Variants in NBAS observed in about 807,000 individuals in gnomAD.
NBAS encodes the protein NBAS subunit of NRZ tethering complex, also known as NAG/BC035112 fusion.
NBAS carries 219 observed loss-of-function variants against 302.5 expected under a neutral mutation model. The ratio of observed to expected loss-of-function variants is 0.72; its 90% CI spans 0.65 to 0.81. NBAS has a LOEUF of 0.81. Among genes scored for constraint, NBAS ranks in the 30% least tolerant of loss-of-function variants. The pLI, the probability that NBAS is intolerant of heterozygous loss-of-function variation, is 0.00. For missense variants in NBAS, 2,932 were observed against 2,841.6 expected, an observed-to-expected ratio of 1.03 and a Z score of -0.72; for synonymous variants, 1,118 against 1,021.6, an observed-to-expected ratio of 1.09 and a Z score of -1.80.
the NBAS span, among the ~76,000 whole-genome samples, chr2:14,893,514 G>C: frequency 6.6e-6 from 1 of 152,078 alleles, no homozygotes; most frequent in African/African-American, 2.4e-5. Context: ...ACTCTTAACT[G>C]TATCTCAATT....
chr2:14,842,359 G>T, the NBAS span, among the ~76,000 whole-genome samples: 1 of 151,838 alleles, frequency 6.6e-6, no homozygotes, highest in South Asian at 2.1e-4. Flanking sequence ...ACTAAAAAAT[G>T]CAGAAGTTTA....
At chr2:14,924,571 C>G in the NBAS span, among the ~76,000 whole-genome samples, 1 of 152,248 alleles carries the variant, frequency 6.6e-6, no homozygotes, top group Admixed American at 6.5e-5. Flanking sequence ...ATACTCCCAT[C>G]AGTGTCCTCT....
At chr2:15,208,882 T>C (rs1000880032) in intron 48 of NBAS, among the ~76,000 whole-genome samples, 6 of 151,976 alleles carry the variant, frequency 3.9e-5, no homozygotes, top group Non-Finnish European at 8.8e-5. Context: ...ACAATGCATC[T>C]TAAAGAGCTA....
At chr2:15,360,628 G>A (rs1018041074) in intron 32 of NBAS, among the ~76,000 whole-genome samples, 4 of 145,390 alleles carry the variant, frequency 2.8e-5, no homozygotes, top group Non-Finnish European at 6.0e-5. Context: ...GGGATTAGAA[G>A]TCTGAGCCGC....
intron 48 of NBAS, among the ~76,000 whole-genome samples, chr2:15,190,895 C>T (rs60229728): frequency 0.082 from 12,509 of 152,094 alleles, 862 homozygotes; most frequent in East Asian, 0.32. Context: ...TGCTATAAAT[C>T]AAAATAGAAT....
intron 11 of NBAS, among the ~76,000 whole-genome samples, chr2:15,501,675 C>T (rs148729516): frequency 0.013 from 1,937 of 147,780 alleles, 36 homozygotes; most frequent in African/African-American, 0.045. Flanking sequence ...CTGCAAGCTC[C>T]GCCTCCCGGT....
At chr2:15,442,864 A>G (rs940462956) in intron 21 of NBAS, among the ~76,000 whole-genome samples, 3 of 152,016 alleles carry the variant, frequency 2.0e-5, no homozygotes, top group Admixed American at 1.3e-4. Flanking sequence ...ATCAGAGAAT[A>G]CTACAAACAC....
chr2:15,085,035 C>T, the NBAS span, among the ~76,000 whole-genome samples: 1 of 152,194 alleles, frequency 6.6e-6, no homozygotes, highest in Non-Finnish European at 1.5e-5. Context: ...ACCTCCTCTC[C>T]GCAGCTTTCC....
chr2:15,561,097 T>G, intron 1 of NBAS, 91 bp downstream of exon 1: 8 of 781,466 alleles, frequency 1.0e-5, no homozygotes, highest in East Asian at 5.0e-5. Context: ...CACCCACCCG[T>G]CTCCACTCCC....
At chr2:14,967,045 A>G in the NBAS span, among the ~76,000 whole-genome samples, 2 of 152,194 alleles carry the variant, frequency 1.3e-5, no homozygotes, top group Non-Finnish European at 2.9e-5. Flanking sequence ...AAATACCATT[A>G]TTAATAGCGT....
chr2:15,232,369 A>C, intron 47 of NBAS, 53 bp downstream of exon 47: 1 of 1,532,966 alleles, frequency 6.5e-7, no homozygotes, highest in South Asian at 1.1e-5. Flanking sequence ...GAGCAATTCT[A>C]ATACTCTGAG....
rs774335000 is a variant in NBAS, at chr2:15,328,187, CGCTGT to C, written c.4461+7_4461+11del. The stretch of plus-strand genomic sequence containing the variant: ...ACAGTTAAATCTATCTTCCTAGACA[CGCTGT>C]CCTTACCTCAGCGACAAAAGGATTT... On this transcript the variant is annotated splice_region_variant and intron_variant, in intron 37 of 51. Coordinates refer to ENST00000281513, the MANE Select transcript of NBAS (RefSeq NM_015909.4). 4.7e-5 allele frequency: 76 copies of C among 1,606,088 alleles called. No homozygotes were observed. In the African/African-American group the frequency reaches 7.5e-4, roughly 16 times the overall value.
chr2:15,544,572 A>G (rs1355664234), intron 6 of NBAS, among the ~76,000 whole-genome samples: 6 of 152,248 alleles, frequency 3.9e-5, no homozygotes, highest in African/African-American at 1.4e-4. Context: ...CTCAAAAGCT[A>G]TCAAGGCACA....
Position 15,175,091 on chromosome 2 carries a change from C to T in NBAS, c.6840+3897G>A, listed in dbSNP as rs775625140. On this transcript the variant is annotated intron_variant, in intron 51 of 51. Coordinates refer to ENST00000281513, the MANE Select transcript of NBAS (RefSeq NM_015909.4). ...ACACCATTCTCCTGCCTCAGACTCCCGAGTAGCTGGGACTACAGGCACCCA... is the reference window on the plus strand; with the variant it reads ...ACACCATTCTCCTGCCTCAGACTCCTGAGTAGCTGGGACTACAGGCACCCA... Among the ~76,000 whole-genome samples, 7 of 152,086 alleles carry T rather than the reference C, an allele frequency of 4.6e-5. No homozygotes were observed. In the South Asian group the frequency reaches 6.2e-4, roughly 14 times the overall value.
At chr2:14,941,652 C>A in the NBAS span, among the ~76,000 whole-genome samples, 72 of 152,330 alleles carry the variant, frequency 4.7e-4, no homozygotes, top group African/African-American at 1.7e-3. Flanking sequence ...CCCGCTCCCA[C>A]AGAGGACTAC....
At chr2:14,945,304 T>C in the NBAS span, among the ~76,000 whole-genome samples, 1 of 151,754 alleles carries the variant, frequency 6.6e-6, no homozygotes, top group African/African-American at 2.4e-5. Context: ...ACTAAGCAAA[T>C]ATATCCAGGA....
the NBAS span, among the ~76,000 whole-genome samples, chr2:15,021,469 C>T: frequency 5.9e-5 from 9 of 152,128 alleles, no homozygotes; most frequent in African/African-American, 2.2e-4. Flanking sequence ...TTAATTCTGC[C>T]TATGAGAAGG....
the NBAS span, among the ~76,000 whole-genome samples, chr2:14,827,330 T>A: frequency 1.3e-5 from 2 of 152,252 alleles, no homozygotes; most frequent in Admixed American, 1.3e-4. Flanking sequence ...ATGTAGTTTG[T>A]AAACATGTTT....
chr2:15,463,873 T>C (rs1046503488), intron 19 of NBAS, among the ~76,000 whole-genome samples: 4 of 150,460 alleles, frequency 2.7e-5, no homozygotes, highest in Non-Finnish European at 5.9e-5. Flanking sequence ...TTGTTAGAAA[T>C]AATCATATCA....
Sources: allele counts gnomAD v4.1 joint callset (sites outside exome capture counted in the v4.1 genomes callset), GRCh38; gene constraint gnomAD v4.1.1; transcripts MANE v1.5; gene names NCBI Gene and HGNC (gene_info 2026-07-23, HGNC 2026-07-21).